MAD1L1: variants seen among roughly 807,000 people sequenced by gnomAD.
MAD1L1 encodes mitotic arrest deficient 1 like 1.
Under a neutral mutation model 96.9 loss-of-function variants are expected in MAD1L1, and 95 were observed. The observed-to-expected ratio is 0.98, with a 90% confidence interval of 0.83 to 1.16. The LOEUF is 1.16. Ranked by LOEUF, MAD1L1 falls within the 50% of genes most tolerant of loss-of-function variation. The probability of loss-of-function intolerance (pLI) is 0.00; values close to 1 mark genes in which losing one functional copy is unlikely to be tolerated. For synonymous variants in MAD1L1, 473 were observed against 396.6 expected, an observed-to-expected ratio of 1.19 and a Z score of -2.29; for missense variants, 1,007 against 954.4, an observed-to-expected ratio of 1.06 and a Z score of -0.73.
chr7:2,093,306 A>G (rs1275283306), intron 11 of MAD1L1, among the ~76,000 whole-genome samples: 1 of 151,708 alleles, frequency 6.6e-6, no homozygotes, highest in African/African-American at 2.4e-5. Context: ...GTTATGTTTT[A>G]AAAGAATATT....
Position 1,837,039 on chromosome 7 carries a change from A to G in MAD1L1, c.1999-20811T>C, listed in dbSNP as rs540763533. On this transcript the variant is annotated intron_variant, in intron 18 of 18. Transcript: ENST00000265854. ...AAGAGAATGAAAAGACATGTCATAT[A>G]TAAGGAGAGAACACCAGCAATGTAC... is the stretch of plus-strand genomic sequence containing the variant. 5.3e-5 allele frequency among the ~76,000 whole-genome samples: 8 copies of G among 152,366 alleles called. No individual in the cohort carries two copies. The East Asian group carries it at 1.2e-3, about 22-fold the overall frequency.
At chr7:2,232,032 A>T (rs771372533) in intron 1 of MAD1L1, among the ~76,000 whole-genome samples, 8 of 152,182 alleles carry the variant, frequency 5.3e-5, no homozygotes, top group Non-Finnish European at 8.8e-5. Context: ...TCAAAAAGTT[A>T]CAGAACGGAG....
At chr7:1,996,638 A>T (rs1781574638) in intron 14 of MAD1L1, among the ~76,000 whole-genome samples, 1 of 152,234 alleles carries the variant, frequency 6.6e-6, no homozygotes, top group South Asian at 2.1e-4. Context: ...GACGGGAAGC[A>T]GCCTGTCCGG....
intron 11 of MAD1L1, among the ~76,000 whole-genome samples, chr7:2,141,660 G>A (rs1025612893): frequency 7.2e-5 from 11 of 152,164 alleles, no homozygotes; most frequent in African/African-American, 2.7e-4. Flanking sequence ...GCCACAAAAT[G>A]TACAGGCCTG....
intron 16 of MAD1L1, 134 bp downstream of exon 16, chr7:1,957,495 T>G: frequency 1.2e-6 from 1 of 869,374 alleles, no homozygotes; most frequent in Non-Finnish European, 1.8e-6. Context: ...GGGGTGCACA[T>G]GGGAGGGAGG....
intron 15 of MAD1L1, among the ~76,000 whole-genome samples, chr7:1,967,826 A>G (rs4721259): frequency 0.97 from 147,767 of 152,236 alleles, 71,850 homozygotes; most frequent in Non-Finnish European, 1. Flanking sequence ...CACAGAGCAC[A>G]CGGCAAACAC....
At chr7:2,045,473 C>T (rs1329536988) in intron 12 of MAD1L1, among the ~76,000 whole-genome samples, 2 of 152,212 alleles carry the variant, frequency 1.3e-5, no homozygotes, top group African/African-American at 4.8e-5. Context: ...AGGGTCACAC[C>T]AGCCTGGCTT....
intron 11 of MAD1L1, among the ~76,000 whole-genome samples, chr7:2,109,781 T>C (rs1039582910): frequency 2.0e-5 from 3 of 152,252 alleles, no homozygotes; most frequent in Admixed American, 6.5e-5. Context: ...ATGTTGCCAT[T>C]ACAAGTGCTA....
At chr7:2,170,129 G>A (rs1467163347) in intron 10 of MAD1L1, among the ~76,000 whole-genome samples, 3 of 152,236 alleles carry the variant, frequency 2.0e-5, no homozygotes, top group Non-Finnish European at 4.4e-5. Context: ...ACAGGCTTAA[G>A]GAACCTGCAT....
At chr7:1,922,057 G>A (rs1788824338) in intron 17 of MAD1L1, among the ~76,000 whole-genome samples, 1 of 152,234 alleles carries the variant, frequency 6.6e-6, no homozygotes, top group Admixed American at 6.5e-5. Context: ...AATCAGCCCT[G>A]TCTCTCCCTG....
intron 11 of MAD1L1, among the ~76,000 whole-genome samples, chr7:2,132,363 T>C (rs2128568833): frequency 6.6e-6 from 1 of 152,176 alleles, no homozygotes; most frequent in Non-Finnish European, 1.5e-5. Context: ...AACGCATGTC[T>C]GCAGTCCCTG....
intron 16 of MAD1L1, among the ~76,000 whole-genome samples, chr7:1,938,933 A>ACG (rs1778780926): frequency 8.1e-6 from 1 of 123,492 alleles, no homozygotes; most frequent in Admixed American, 8.6e-5. Flanking sequence ...ACACACATAC[A>ACG]GGCCAGGACC....
intron 18 of MAD1L1, among the ~76,000 whole-genome samples, chr7:1,855,534 A>C (rs566658457): frequency 2.8e-4 from 43 of 151,604 alleles, no homozygotes; most frequent in Non-Finnish European, 5.2e-4. Context: ...TCCAGAAAAC[A>C]CGGCCCGGGC....
At chr7:2,215,333 G>C (rs905875964) in intron 9 of MAD1L1, among the ~76,000 whole-genome samples, 3 of 140,366 alleles carry the variant, frequency 2.1e-5, no homozygotes, top group Non-Finnish European at 4.5e-5. Context: ...AGCCGAGATC[G>C]CACCATTGCA....
chr7:1,945,116 G>C (rs1248832734), intron 16 of MAD1L1, among the ~76,000 whole-genome samples: 1 of 152,214 alleles, frequency 6.6e-6, no homozygotes, highest in African/African-American at 2.4e-5. Flanking sequence ...CTGCAGAGCA[G>C]GGAAGCAGCA....
chr7:1,973,550 G>C (rs912590768), intron 15 of MAD1L1, among the ~76,000 whole-genome samples: 1 of 152,134 alleles, frequency 6.6e-6, no homozygotes, highest in East Asian at 1.9e-4. Context: ...CAGACAGCTG[G>C]GTACGAGCTC....
chr7:1,954,008 C>A (rs1431244729), intron 16 of MAD1L1, among the ~76,000 whole-genome samples: 1 of 152,044 alleles, frequency 6.6e-6, no homozygotes, highest in Non-Finnish European at 1.5e-5. Flanking sequence ...GGCCTGTGAG[C>A]CCCGACTAGC....
At chr7:1,882,998 C>T (rs112521110) in intron 18 of MAD1L1, among the ~76,000 whole-genome samples, 327 of 110,582 alleles carry the variant, frequency 3.0e-3, no homozygotes, top group Admixed American at 0.01. Flanking sequence ...AAACCTCGTG[C>T]CACAAACGGC....
intron 18 of MAD1L1, among the ~76,000 whole-genome samples, chr7:1,896,949 T>C (rs1036422430): frequency 1.8e-4 from 28 of 152,272 alleles, no homozygotes; most frequent in Admixed American, 1.2e-3. Flanking sequence ...TACAGAATTA[T>C]ACAAAAGCGA....
Sources: gnomAD v4.1 joint callset for allele counts (sites outside exome capture counted in the v4.1 genomes callset) on GRCh38, gnomAD v4.1.1 for gene constraint, MANE v1.5 for transcripts, NCBI Gene and HGNC (gene_info 2026-07-23, HGNC 2026-07-21) for gene names.